The following WIPF1 variants were observed in gnomAD, a reference collection of about 807,000 sequenced individuals.
WIPF1 encodes WAS/WASL interacting protein family member 1, also known as WAS/WASL-interacting protein family member 1.
In WIPF1, 13 loss-of-function variants were observed where a neutral mutation model predicts 35.4. The observed-to-expected ratio is 0.37, with a 90% CI of 0.24 to 0.58. The LOEUF (loss-of-function observed/expected upper bound fraction) is 0.58, where lower values mean the gene tolerates loss of function less well. Ranked by LOEUF, WIPF1 falls within the 20% of genes least tolerant of loss-of-function variation. The probability of loss-of-function intolerance (pLI) is 0.74; values close to 1 mark genes in which losing one functional copy is unlikely to be tolerated. For missense variants in WIPF1, 591 were observed against 667.0 expected, an observed-to-expected ratio of 0.89 and a Z score of 1.25; for synonymous variants, 267 against 266.3, an observed-to-expected ratio of 1.00 and a Z score of -0.02.
intron 1 of WIPF1, among the ~76,000 whole-genome samples, chr2:174,633,194 G>A (rs1687082085): frequency 6.6e-6 from 1 of 152,102 alleles, no homozygotes; most frequent in Admixed American, 6.5e-5. Context: ...ACAACTTGGT[G>A]GTAAAATATG....
chr2:174,682,281 G>A (rs1041033329), intron 1 of WIPF1, among the ~76,000 whole-genome samples: 1 of 152,160 alleles, frequency 6.6e-6, no homozygotes, highest in Non-Finnish European at 1.5e-5. Flanking sequence ...GCGCGGGAGG[G>A]GCACGGTTCC....
At chr2:174,568,609 G>C (rs1296194501) in intron 5 of WIPF1, 1 of 152,804 alleles carries the variant, frequency 6.5e-6, no homozygotes, top group Non-Finnish European at 1.5e-5. Flanking sequence ...CCAAATACCA[G>C]TCATCCTGAG....
chr2:174,659,166 C>T (rs1687706035), intron 1 of WIPF1, among the ~76,000 whole-genome samples: 1 of 152,114 alleles, frequency 6.6e-6, no homozygotes, highest in Non-Finnish European at 1.5e-5. Flanking sequence ...TGAGGTCTTG[C>T]TATGTTGCCC....
At chr2:174,584,826 C>G (rs537363514) in intron 2 of WIPF1, among the ~76,000 whole-genome samples, 1 of 151,506 alleles carries the variant, frequency 6.6e-6, no homozygotes, top group Non-Finnish European at 1.5e-5. Flanking sequence ...GCAGGAGAAT[C>G]ACTTGAACGG....
At chr2:174,655,266 C>T (rs150752050) in intron 1 of WIPF1, among the ~76,000 whole-genome samples, 1 of 152,234 alleles carries the variant, frequency 6.6e-6, no homozygotes, top group Non-Finnish European at 1.5e-5. Context: ...CCTCCCTTGC[C>T]CGGCCTTCTG....
intron 1 of WIPF1, among the ~76,000 whole-genome samples, chr2:174,588,385 C>G (rs1326828966): frequency 6.6e-6 from 1 of 152,154 alleles, no homozygotes; most frequent in Non-Finnish European, 1.5e-5. Context: ...GGTCAACTAA[C>G]AGGAACCTCT....
At position 174,567,841 on chromosome 2, in the gene WIPF1, G is replaced by A. The variant is rs77346261; in HGVS notation, c.1342+20C>T. The A allele has an allele frequency of 1.7e-3, 2,660 of 1,544,744 alleles. 39 individuals are homozygous for A. The African/African-American group carries it at 0.033, about 19-fold the overall frequency. On this transcript the variant is annotated intron_variant, in intron 6 of 7. Transcript: ENST00000679041. ...TTTAGTTGCTGCCCTATAGCCCAGG[G>A]AGCTGGGACCACACCTCACCTTCAC...
intron 1 of WIPF1, among the ~76,000 whole-genome samples, chr2:174,631,092 C>T (rs1687005298): frequency 6.6e-6 from 1 of 152,174 alleles, no homozygotes; most frequent in South Asian, 2.1e-4. Context: ...CATAGAATTA[C>T]CTATGATTCA....
chr2:174,635,592 G>A (rs1378059532), intron 1 of WIPF1, among the ~76,000 whole-genome samples: 1 of 139,946 alleles, frequency 7.1e-6, no homozygotes, highest in Non-Finnish European at 1.5e-5. Context: ...CAAACATACT[G>A]GAATTTGTGG....
intron 1 of WIPF1, among the ~76,000 whole-genome samples, chr2:174,668,165 A>C (rs994952419): frequency 7.9e-5 from 12 of 152,222 alleles, no homozygotes; most frequent in Middle Eastern, 6.3e-3. Context: ...TGCCTATAAT[A>C]AGAAAATCAT....
At chr2:174,619,563 G>T (rs1296468762) in intron 1 of WIPF1, among the ~76,000 whole-genome samples, 1 of 152,172 alleles carries the variant, frequency 6.6e-6, no homozygotes, top group African/African-American at 2.4e-5. Flanking sequence ...CAGAAGTATT[G>T]GATCAAAGAG....
At chr2:174,581,920 G>T (rs193074533) in intron 2 of WIPF1, among the ~76,000 whole-genome samples, 2 of 152,256 alleles carry the variant, frequency 1.3e-5, no homozygotes, top group Admixed American at 6.5e-5. Flanking sequence ...ACCCACTAAA[G>T]TTCTAGAAAA....
intron 1 of WIPF1, among the ~76,000 whole-genome samples, chr2:174,656,695 C>T (rs945152881): frequency 1.3e-5 from 2 of 152,204 alleles, no homozygotes; most frequent in African/African-American, 2.4e-5. Flanking sequence ...CAACCTATCC[C>T]TGCTGTTCTA....
At chr2:174,629,444 A>G (rs538919740) in intron 1 of WIPF1, among the ~76,000 whole-genome samples, 2 of 152,334 alleles carry the variant, frequency 1.3e-5, no homozygotes, top group African/African-American at 2.4e-5. Flanking sequence ...CCAGGGAAGG[A>G]AGCATGCTGT....
chr2:174,599,824 T>TAG (rs1685942531), upstream of WIPF1, among the ~76,000 whole-genome samples: 2 of 151,840 alleles, frequency 1.3e-5, no homozygotes, highest in Non-Finnish European at 2.9e-5. Context: ...GCTATCTCTC[T>TAG]CTCTCTCTCT....
intron 1 of WIPF1, among the ~76,000 whole-genome samples, chr2:174,648,541 A>T (rs956782969): frequency 1.3e-5 from 2 of 152,196 alleles, no homozygotes; most frequent in African/African-American, 2.4e-5. Context: ...GGAGAATAGG[A>T]GTTAATGGAA....
intron 4 of WIPF1, 49 bp downstream of exon 4, chr2:174,575,154 CA>C: frequency 1.3e-6 from 2 of 1,563,478 alleles, no homozygotes; most frequent in Non-Finnish European, 1.7e-6. Context: ...TCCAAACTGC[CA>C]AACTCTGCCT....
At chr2:174,576,719 ATC>A (rs1169882353) in intron 3 of WIPF1, among the ~76,000 whole-genome samples, 7 of 152,216 alleles carry the variant, frequency 4.6e-5, no homozygotes, top group Non-Finnish European at 7.3e-5. Flanking sequence ...GAGCCACAGT[ATC>A]TTATCACTCT....
At chr2:174,642,637 G>A (rs776961424) in intron 1 of WIPF1, among the ~76,000 whole-genome samples, 1,771 of 139,784 alleles carry the variant, frequency 0.013, 43 homozygotes, top group African/African-American at 0.053. Flanking sequence ...ATGAGCCGCC[G>A]CGCCCGGCCT....
Sources: allele counts gnomAD v4.1 joint callset (sites outside exome capture counted in the v4.1 genomes callset), GRCh38; gene constraint gnomAD v4.1.1; transcripts MANE v1.5; gene names NCBI Gene and HGNC (gene_info 2026-07-23, HGNC 2026-07-21).